Variants in GIGYF2 observed in about 807,000 individuals in gnomAD.
The protein encoded by GIGYF2 is GRB10-interacting GYF protein 2.
Under a neutral mutation model 208.1 loss-of-function variants are expected in GIGYF2, and 25 were observed. That is an observed-to-expected ratio of 0.12 (90% CI 0.09 to 0.17). The LOEUF is 0.17. GIGYF2 is among the 10% of genes least tolerant of loss of function. GIGYF2 has a pLI of 1.00. For missense variants in GIGYF2, 1,302 were observed against 1,579.4 expected, an observed-to-expected ratio of 0.82 and a Z score of 2.98; for synonymous variants, 534 against 543.8, an observed-to-expected ratio of 0.98 and a Z score of 0.25.
rs1701615819 is a variant in GIGYF2, at chr2:232,836,312, AT to A, written c.2766+3220del. On this transcript the variant is annotated intron_variant, in intron 22 of 28. Transcript: ENST00000373563. ...TATATATATATATATATATATATAT[AT>A]ATATATATATATATATACATATATA... 4.3e-4 allele frequency among the ~76,000 whole-genome samples: 10 copies of A among 23,378 alleles called. 1 individual carries two copies. Among genetic ancestry groups the A allele is most frequent in the African/African-American group, 8.6e-4 (6 of 6,994 alleles). The allele number at this position is 23,378 out of a possible 152,430, so 15.3% of individuals were successfully genotyped here.
intron 5 of GIGYF2, among the ~76,000 whole-genome samples, chr2:232,750,598 T>A (rs1448312343): frequency 1.3e-5 from 2 of 152,252 alleles, no homozygotes; most frequent in Non-Finnish European, 2.9e-5. Flanking sequence ...TTTCTTTGCC[T>A]GTAGCAGTAA....
chr2:232,792,495 G>A (rs1277132235), intron 12 of GIGYF2, among the ~76,000 whole-genome samples: 1 of 152,102 alleles, frequency 6.6e-6, no homozygotes, highest in African/African-American at 2.4e-5. Flanking sequence ...CCAGCTACTC[G>A]GGAAGCTGAA....
chr2:232,745,695 G>A (rs1026142560), intron 3 of GIGYF2, among the ~76,000 whole-genome samples: 3 of 152,102 alleles, frequency 2.0e-5, no homozygotes, highest in African/African-American at 4.8e-5. Context: ...CATAAGGGAG[G>A]AATGAAAGAA....
intron 23 of GIGYF2, among the ~76,000 whole-genome samples, chr2:232,843,759 G>A (rs1052053299): frequency 2.6e-5 from 4 of 152,200 alleles, no homozygotes; most frequent in African/African-American, 7.2e-5. Context: ...CCTGGGAGGC[G>A]GAGGTTCCAG....
rs770927968 is a variant in GIGYF2, at chr2:232,856,861, G to A, written c.*1G>A. The A allele has an allele frequency of 6.3e-7, 1 of 1,599,418 alleles. No homozygotes were observed. The highest frequency in any genetic ancestry group is 1.1e-5 in the South Asian group (1 of 90,764). ...AATCGAGACGTTGGATGACTACTGA[G>A]CACCTGCCAGTGGACTGGCCATCCC... On this transcript the variant is annotated 3_prime_UTR_variant, in exon 29 of 29. Transcript: ENST00000373563.
At chr2:232,748,545 A>C (rs921119847) in intron 4 of GIGYF2, among the ~76,000 whole-genome samples, 2 of 152,204 alleles carry the variant, frequency 1.3e-5, no homozygotes, top group Admixed American at 1.3e-4. Context: ...TTGGCCTCCA[A>C]AAGTGCTGGG....
chr2:232,827,597 A>G (rs1051297091), intron 21 of GIGYF2, among the ~76,000 whole-genome samples: 1 of 152,106 alleles, frequency 6.6e-6, no homozygotes, highest in Non-Finnish European at 1.5e-5. Flanking sequence ...TTTATTCTGC[A>G]TATTGGTAGT....
chr2:232,804,137 C>T (rs1037782518), intron 14 of GIGYF2, among the ~76,000 whole-genome samples: 4 of 152,086 alleles, frequency 2.6e-5, no homozygotes, highest in East Asian at 3.9e-4. Context: ...TTTCCTTCGC[C>T]TTTCCATAAA....
At chr2:232,747,815 A>C (rs1045123032) in intron 4 of GIGYF2, 71 bp downstream of exon 4, 2 of 1,385,150 alleles carry the variant, frequency 1.4e-6, no homozygotes, top group East Asian at 4.6e-5. Flanking sequence ...GTACTGATAC[A>C]TGAAAACTGA....
intron 26 of GIGYF2, 82 bp downstream of exon 26, chr2:232,845,968 CA>C (rs1256604744): frequency 1.2e-6 from 1 of 866,990 alleles, no homozygotes; most frequent in African/African-American, 1.7e-5. Flanking sequence ...AACAGTGGGC[CA>C]AAAGTCAAAA....
rs142738945 is a variant in GIGYF2 at position 232,850,620 on chromosome 2, T to G, written c.3832+211T>G. Among the ~76,000 whole-genome samples the G allele has an allele frequency of 3.9e-3, 590 of 152,360 alleles. 3 individuals carry two copies. The highest frequency in any genetic ancestry group is 0.015 in the South Asian group (74 of 4,824). ...CCTCATGTAATAACAACTTATATTGTATGGTGCTTTAAAGTATTGTTTGGT... is the reference window on the plus strand; with the variant it reads ...CCTCATGTAATAACAACTTATATTGGATGGTGCTTTAAAGTATTGTTTGGT... On this transcript the variant is annotated intron_variant, in intron 28 of 28. Transcript: ENST00000373563.
chr2:232,783,334 G>A (rs1273767808), intron 8 of GIGYF2, among the ~76,000 whole-genome samples: 6 of 151,802 alleles, frequency 4.0e-5, no homozygotes, highest in Admixed American at 3.9e-4. Context: ...TTCAGATTCT[G>A]GTTCCAATTA....
At chr2:232,711,401 C>T (rs1696395240) in intron 2 of GIGYF2, among the ~76,000 whole-genome samples, 1 of 151,460 alleles carries the variant, frequency 6.6e-6, no homozygotes, top group African/African-American at 2.4e-5. Context: ...TTATTGAGGG[C>T]CCCAAAGAGC....
intron 8 of GIGYF2, among the ~76,000 whole-genome samples, chr2:232,775,973 A>G (rs1273421956): frequency 6.6e-6 from 1 of 152,226 alleles, no homozygotes; most frequent in African/African-American, 2.4e-5. Context: ...AGAAGTATCT[A>G]TTAATTTCCG....
intron 22 of GIGYF2, among the ~76,000 whole-genome samples, chr2:232,837,711 G>A (rs909100933): frequency 9.9e-5 from 15 of 152,070 alleles, no homozygotes; most frequent in African/African-American, 3.6e-4. Flanking sequence ...CGCCTGCCTC[G>A]GCCTCCCAAA....
intron 8 of GIGYF2, among the ~76,000 whole-genome samples, chr2:232,784,899 G>A (rs1699862688): frequency 6.6e-6 from 1 of 151,970 alleles, no homozygotes; most frequent in African/African-American, 2.4e-5. Context: ...CCTCCCCACT[G>A]TAATGAGTTC....
chr2:232,843,145 G>C (rs1235590460), intron 23 of GIGYF2: 2 of 108,884 alleles, frequency 1.8e-5, no homozygotes, highest in South Asian at 2.9e-4. Context: ...GTGTGTGTGT[G>C]TGTGTGTGTG....
intron 2 of GIGYF2, among the ~76,000 whole-genome samples, chr2:232,715,934 C>G (rs2106264200): frequency 6.6e-6 from 1 of 151,482 alleles, no homozygotes; most frequent in African/African-American, 2.4e-5. Context: ...CAGGCCAGGC[C>G]TATGCTTTTT....
chr2:232,826,966 G>A (rs1227839407), intron 21 of GIGYF2, among the ~76,000 whole-genome samples: 1 of 152,160 alleles, frequency 6.6e-6, no homozygotes, highest in Non-Finnish European at 1.5e-5. Context: ...AAGCTCAGAT[G>A]ATTGTTGCAT....
Sources: gnomAD v4.1 joint callset for allele counts (sites outside exome capture counted in the v4.1 genomes callset) on GRCh38, gnomAD v4.1.1 for gene constraint, MANE v1.5 for transcripts, NCBI Gene and HGNC (gene_info 2026-07-23, HGNC 2026-07-21) for gene names.